ARID1B: variants seen among roughly 807,000 people sequenced by gnomAD.
The protein encoded by ARID1B is AT-rich interaction domain 1B, also known as AT-rich interactive domain-containing protein 1B.
In ARID1B, 30 loss-of-function variants were observed where a neutral mutation model predicts 212.3. That is an observed-to-expected ratio of 0.14 (90% CI 0.11 to 0.19). The LOEUF is 0.19. Ranked by LOEUF, ARID1B falls within the 10% of genes least tolerant of loss-of-function variation. The probability of loss-of-function intolerance (pLI) is 1.00; values close to 1 mark genes in which losing one functional copy is unlikely to be tolerated. For missense variants in ARID1B, 2,891 were observed against 3,204.0 expected, an observed-to-expected ratio of 0.90 and a Z score of 2.36; for synonymous variants, 1,402 against 1,301.7, an observed-to-expected ratio of 1.08 and a Z score of -1.66.
intron 4 of ARID1B, among the ~76,000 whole-genome samples, chr6:156,970,816 G>A (rs1776872842): frequency 6.6e-6 from 1 of 152,196 alleles, no homozygotes; most frequent in Admixed American, 6.5e-5. Flanking sequence ...GGTTGGAGAG[G>A]GGGCCCATCT....
chr6:157,145,834 C>CT (rs1789687825), intron 7 of ARID1B, among the ~76,000 whole-genome samples: 2 of 152,248 alleles, frequency 1.3e-5, no homozygotes, highest in South Asian at 4.2e-4. Flanking sequence ...GGCTCCTCGT[C>CT]TTCAGCATGA....
At chr6:156,967,258 TACACAC>T (rs752806943) in intron 4 of ARID1B, among the ~76,000 whole-genome samples, 174 of 152,318 alleles carry the variant, frequency 1.1e-3, no homozygotes, top group Admixed American at 3.4e-3. Flanking sequence ...GTTAGTTTCA[TACACAC>T]ACATACACAT....
At chr6:157,093,448 C>G (rs1468634456) in intron 5 of ARID1B, among the ~76,000 whole-genome samples, 1 of 152,238 alleles carries the variant, frequency 6.6e-6, no homozygotes, top group Non-Finnish European at 1.5e-5. Flanking sequence ...CACACACTTG[C>G]ATCTTTGATT....
At chr6:156,813,010 A>T (rs1781687250) in intron 1 of ARID1B, among the ~76,000 whole-genome samples, 1 of 147,942 alleles carries the variant, frequency 6.8e-6, no homozygotes, top group African/African-American at 2.5e-5. Context: ...ATACATATAT[A>T]TACACATACG....
chr6:157,178,882 A>T (rs944652648), intron 11 of ARID1B, among the ~76,000 whole-genome samples: 3 of 152,244 alleles, frequency 2.0e-5, no homozygotes, highest in African/African-American at 4.8e-5. Context: ...TTCATCCAGA[A>T]CCACTCCCCA....
At chr6:157,204,055 A>G in intron 19 of ARID1B, 59 bp downstream of exon 19, 1 of 1,603,070 alleles carries the variant, frequency 6.2e-7, no homozygotes, top group Non-Finnish European at 8.5e-7. Context: ...CAGGCCATGC[A>G]CATTTGTGCT....
chr6:157,111,912 T>C (rs112378956), intron 6 of ARID1B, among the ~76,000 whole-genome samples: 2 of 152,188 alleles, frequency 1.3e-5, no homozygotes, highest in African/African-American at 4.8e-5. Flanking sequence ...CACCCCCAAG[T>C]TTCCAATTCA....
Position 157,201,460 on chromosome 6 carries a change from A to G in ARID1B, c.5235A>G (p.Gln1745=). ...AAGCATCACAACCAGTCTTGAAACA[A>G]AGGCGAAAGATTACCTCCAAAGATA... ...SVEASQPVLK[Q]RRKITSKDIV... is the part of the protein sequence containing the mutation. Residue 1745 remains glutamine (Q), a synonymous_variant, in exon 18 of 20, where the codon CAA becomes CAG. Coordinates refer to ENST00000636930, the MANE Select transcript of ARID1B (RefSeq NM_001374828.1). This position sits in a 1 kb window ranked among gnomAD's most constrained non-coding sequence, Gnocchi z 5.2. 6.6e-7 allele frequency: 1 copy of G among 1,509,800 alleles called. No individual in the cohort carries two copies. The highest frequency in any genetic ancestry group is 8.9e-7 in the Non-Finnish European group (1 of 1,128,038). The allele number at this position is 1,509,800 out of a possible 1,614,324, so 93.5% of individuals were successfully genotyped here.
At chr6:156,948,817 A>G (rs980394587) in intron 4 of ARID1B, among the ~76,000 whole-genome samples, 1 of 152,230 alleles carries the variant, frequency 6.6e-6, no homozygotes. Context: ...GAAAATATCT[A>G]CTTTTGGGAT....
intron 2 of ARID1B, among the ~76,000 whole-genome samples, chr6:156,853,494 C>T (rs1283353761): frequency 6.6e-6 from 1 of 152,060 alleles, no homozygotes; most frequent in African/African-American, 2.4e-5. Flanking sequence ...GGCTGCAGGA[C>T]AGGTGCTTTT....
chr6:157,082,276 T>C (rs1249134844), intron 4 of ARID1B, among the ~76,000 whole-genome samples: 2 of 152,172 alleles, frequency 1.3e-5, no homozygotes, highest in Non-Finnish European at 2.9e-5. Flanking sequence ...ATGGTGTGAG[T>C]ACACGTGGTT....
rs546662994 is a variant in ARID1B at position 156,819,311 on chromosome 6, A to AT, written c.1792-9909dup. Among the ~76,000 whole-genome samples the AT allele has an allele frequency of 3.1e-3, 475 of 152,310 alleles. 2 individuals carry two copies. The Middle Eastern group carries it at 0.034, about 11-fold the overall frequency. On this transcript the variant is annotated intron_variant, in intron 1 of 19. Coordinates refer to ENST00000636930, the MANE Select transcript of ARID1B (RefSeq NM_001374828.1). ...TTAAAGCCATGATAAAAGCTTTACA[A>AT]TTTTTTTGGGTAGCAAGAGTAACAA...
At chr6:156,807,361 C>T (rs1432818720) in intron 1 of ARID1B, among the ~76,000 whole-genome samples, 1 of 151,882 alleles carries the variant, frequency 6.6e-6, no homozygotes, top group Non-Finnish European at 1.5e-5. Context: ...TTTTTACTGC[C>T]CGCCATCTAG....
intron 16 of ARID1B, among the ~76,000 whole-genome samples, chr6:157,196,706 T>G (rs1034014721): frequency 2.0e-5 from 3 of 152,110 alleles, no homozygotes; most frequent in Admixed American, 2.0e-4. Flanking sequence ...CCTCCCTCCC[T>G]TCTTTCTGTC....
At chr6:157,161,431 G>GTGTGTGTGTATATATATATATATA (rs540423195) in intron 8 of ARID1B, among the ~76,000 whole-genome samples, 12 of 139,364 alleles carry the variant, frequency 8.6e-5, no homozygotes, top group African/African-American at 3.4e-4. Context: ...TTGTGTGTGT[G>GTGTGTGTGTATATATATATATATA]TATATATATA....
chr6:156,900,563 A>G (rs1161969735), intron 2 of ARID1B, among the ~76,000 whole-genome samples: 1 of 152,142 alleles, frequency 6.6e-6, no homozygotes, highest in East Asian at 1.9e-4. Context: ...TGCTGTCCTG[A>G]TATCTTGTTT....
At chr6:156,838,522 G>A (rs1783662993) in intron 2 of ARID1B, among the ~76,000 whole-genome samples, 1 of 152,054 alleles carries the variant, frequency 6.6e-6, no homozygotes, top group African/African-American at 2.4e-5. Context: ...GTACCTGAAA[G>A]CAAGAGCTCT....
chr6:157,190,246 A>G lies in ARID1B; in HGVS notation c.4231+36A>G, dbSNP rs567403359. Reference sequence around the variant, plus strand: ...AGGGGCCTCCACCCGGCCATGGACCAGTGGGCATTCTACTCTCTGCCGTTC... The same window carrying G: ...AGGGGCCTCCACCCGGCCATGGACCGGTGGGCATTCTACTCTCTGCCGTTC... On this transcript the variant is annotated intron_variant, in intron 15 of 19. Transcript: ENST00000636930. The surrounding 1 kb of genome is among the most constrained non-coding windows in gnomAD (Gnocchi z 4.6). 1.6e-5 allele frequency: 26 copies of G among 1,578,636 alleles called. No individual in the cohort carries two copies. Among genetic ancestry groups the G allele is most frequent in the Non-Finnish European group, 2.1e-5 (25 of 1,167,146 alleles).
chr6:156,844,826 T>C (rs1484485033), intron 2 of ARID1B, among the ~76,000 whole-genome samples: 5 of 152,238 alleles, frequency 3.3e-5, no homozygotes, highest in Non-Finnish European at 7.3e-5. Flanking sequence ...ACTGCAAGTA[T>C]ATTTCCTTAC....
Sources: allele counts gnomAD v4.1 joint callset (sites outside exome capture counted in the v4.1 genomes callset), GRCh38; gene constraint gnomAD v4.1.1; non-coding constraint Gnocchi (gnomAD v3.1); transcripts MANE v1.5; gene names NCBI Gene and HGNC (gene_info 2026-07-23, HGNC 2026-07-21).